The following SCMH1 variants were observed in gnomAD, a reference collection of about 807,000 sequenced individuals.
SCMH1 encodes the protein Scm polycomb group protein homolog 1, also known as polycomb protein SCMH1.
A neutral mutation model predicts 70.8 loss-of-function variants in SCMH1; 37 were observed. That is an observed-to-expected ratio of 0.52 (90% CI 0.40 to 0.69). The LOEUF (loss-of-function observed/expected upper bound fraction) is 0.69. Ranked by LOEUF, SCMH1 falls within the 30% of genes least tolerant of loss-of-function variation. The probability of loss-of-function intolerance (pLI) is 0.00; values close to 1 mark genes in which losing one functional copy is unlikely to be tolerated. For missense variants in SCMH1, 607 were observed against 827.3 expected, an observed-to-expected ratio of 0.73 and a Z score of 3.27; for synonymous variants, 292 against 307.4, an observed-to-expected ratio of 0.95 and a Z score of 0.52.
intron 6 of SCMH1, among the ~76,000 whole-genome samples, chr1:41,127,730 C>T (rs750079099): frequency 6.6e-6 from 1 of 152,060 alleles, no homozygotes; most frequent in Non-Finnish European, 1.5e-5. Context: ...CGGGGTAGAG[C>T]CCTTATTTGA....
chr1:41,151,826 G>A, intron 4 of SCMH1, 142 bp from the exon 5 acceptor site: 1 of 499,650 alleles, frequency 2.0e-6, no homozygotes, highest in South Asian at 2.8e-5. Flanking sequence ...TGAGCTCAAA[G>A]GAGTATTAAG....
intron 10 of SCMH1, among the ~76,000 whole-genome samples, chr1:41,064,018 T>C (rs1474163225): frequency 6.6e-6 from 1 of 152,098 alleles, no homozygotes; most frequent in African/African-American, 2.4e-5. Context: ...CAAATCAAAT[T>C]GAACAATATA....
chr1:41,166,302 C>G (rs963684661), intron 2 of SCMH1, among the ~76,000 whole-genome samples: 10 of 152,000 alleles, frequency 6.6e-5, no homozygotes. Flanking sequence ...TCTTTTTGGT[C>G]AAGATTGTTT....
intron 8 of SCMH1, among the ~76,000 whole-genome samples, chr1:41,090,875 T>A (rs1289600310): frequency 6.6e-6 from 1 of 151,780 alleles, no homozygotes; most frequent in East Asian, 1.9e-4. Context: ...CCATCTCTAC[T>A]AAAAATACAA....
chr1:41,107,246 C>T (rs1668176937), intron 8 of SCMH1, among the ~76,000 whole-genome samples: 1 of 151,864 alleles, frequency 6.6e-6, no homozygotes, highest in South Asian at 2.1e-4. Flanking sequence ...CCTCCAGTCC[C>T]CTCAATCTAG....
At chr1:41,165,645 T>C (rs1175641122) in intron 2 of SCMH1, among the ~76,000 whole-genome samples, 4 of 152,190 alleles carry the variant, frequency 2.6e-5, no homozygotes, top group Middle Eastern at 3.2e-3. Context: ...ATTAGAGATG[T>C]TGGACTTTTT....
intron 6 of SCMH1, among the ~76,000 whole-genome samples, chr1:41,118,297 G>C (rs1337321379): frequency 1.3e-5 from 2 of 152,136 alleles, no homozygotes; most frequent in African/African-American, 4.8e-5. Context: ...AAGTACTACA[G>C]AACACATAAC....
chr1:41,185,920 A>G, intron 2 of SCMH1: 1 of 406,670 alleles, frequency 2.5e-6, no homozygotes, highest in Non-Finnish European at 4.4e-6. Context: ...CCACCGAGAA[A>G]TATTTTTAAG....
intron 1 of SCMH1, among the ~76,000 whole-genome samples, chr1:41,220,775 T>C (rs1659091381): frequency 2.0e-5 from 3 of 152,238 alleles, no homozygotes. Flanking sequence ...TGCTATGTTT[T>C]TGAAATCTGA....
chr1:41,229,439 A>G (rs1196837343), intron 1 of SCMH1, among the ~76,000 whole-genome samples: 1 of 152,184 alleles, frequency 6.6e-6, no homozygotes, highest in African/African-American at 2.4e-5. Flanking sequence ...TGCCCTTTGT[A>G]GGGACATGGA....
intron 8 of SCMH1, among the ~76,000 whole-genome samples, chr1:41,106,686 C>A (rs1274609569): frequency 3.3e-5 from 5 of 151,702 alleles, no homozygotes; most frequent in Non-Finnish European, 5.9e-5. Context: ...TAGCCATTTT[C>A]TTTTTTCCTT....
intron 4 of SCMH1, among the ~76,000 whole-genome samples, chr1:41,160,470 A>G (rs1448159765): frequency 6.6e-6 from 1 of 152,214 alleles, no homozygotes; most frequent in Non-Finnish European, 1.5e-5. Flanking sequence ...GAAAATGTTT[A>G]GGTTTAGTTT....
chr1:41,193,530 G>C (rs1039046533), intron 1 of SCMH1, among the ~76,000 whole-genome samples: 4 of 152,128 alleles, frequency 2.6e-5, no homozygotes, highest in East Asian at 1.9e-4. Flanking sequence ...GGGTTGGGGG[G>C]GGGTTGAGGA....
At chr1:41,236,562 G>T (rs943867495) in intron 1 of SCMH1, among the ~76,000 whole-genome samples, 1 of 152,176 alleles carries the variant, frequency 6.6e-6, no homozygotes. Flanking sequence ...CTGGGACAAA[G>T]ATAACAGGTG....
intron 5 of SCMH1, among the ~76,000 whole-genome samples, chr1:41,150,271 G>C (rs551332756): frequency 6.6e-6 from 1 of 152,160 alleles, no homozygotes; most frequent in Non-Finnish European, 1.5e-5. Context: ...GGGAGGCCAA[G>C]GTGGGTGGAT....
intron 1 of SCMH1, among the ~76,000 whole-genome samples, chr1:41,196,873 A>T (rs1323038011): frequency 3.3e-5 from 5 of 152,164 alleles, no homozygotes. Flanking sequence ...AAACCTAAAC[A>T]ACCCAATTCA....
At chr1:41,185,636 ATT>A (rs35853628) in intron 2 of SCMH1, among the ~76,000 whole-genome samples, 12 of 139,712 alleles carry the variant, frequency 8.6e-5, no homozygotes, top group East Asian at 2.1e-4. Flanking sequence ...ATTGTTACAG[ATT>A]TTTTTTTTTT....
At chr1:41,227,832 G>A (rs1420724812) in intron 1 of SCMH1, among the ~76,000 whole-genome samples, 2 of 152,046 alleles carry the variant, frequency 1.3e-5, no homozygotes, top group African/African-American at 4.8e-5. Flanking sequence ...CAAAAAATTC[G>A]CCAGGCATGG....
chr1:41,157,885 G>C (rs957549481), intron 4 of SCMH1, among the ~76,000 whole-genome samples: 1 of 152,072 alleles, frequency 6.6e-6, no homozygotes, highest in Non-Finnish European at 1.5e-5. Flanking sequence ...TTATGGATGG[G>C]GGCTTATATT....
Sources: gnomAD v4.1 joint callset for allele counts (sites outside exome capture counted in the v4.1 genomes callset) on GRCh38, gnomAD v4.1.1 for gene constraint, MANE v1.5 for transcripts, NCBI Gene and HGNC (gene_info 2026-07-23, HGNC 2026-07-21) for gene names.